The following FBXO9 variants were observed in gnomAD, a reference collection of about 807,000 sequenced individuals.
FBXO9 encodes F-box protein 9.
A neutral mutation model predicts 63.7 loss-of-function variants in FBXO9; 43 were observed. The observed-to-expected ratio is 0.67, with a 90% CI of 0.53 to 0.87. FBXO9 has a LOEUF of 0.87. Ranked by LOEUF, FBXO9 falls within the 40% of genes least tolerant of loss-of-function variation. The pLI, the probability that FBXO9 is intolerant of heterozygous loss-of-function variation, is 0.00. For missense variants in FBXO9, 442 were observed against 533.2 expected (o/e 0.83, Z 1.68); for synonymous variants, 156 against 171.7 (o/e 0.91, Z 0.72).
rs1763083664 is a variant in FBXO9 at position 53,092,860 on chromosome 6, T to A, written c.863+36T>A. ...AGTACACTGAGTGAGTGGAAAATTC[T>A]CTCTCTCCATGTATTAGTTAAATGG... is the stretch of plus-strand genomic sequence containing the variant. On this transcript the variant is annotated intron_variant, in intron 9 of 12. Transcript: ENST00000323557. The A allele has an allele frequency of 2.2e-6, 3 of 1,393,820 alleles. No homozygotes were observed. In the East Asian group the frequency reaches 6.9e-5, roughly 32 times the overall value. 86.3% of individuals were successfully genotyped at this position (1,393,820 alleles called of 1,614,324 possible). A position where few individuals can be genotyped will look rare whatever the true frequency, so the allele number is the denominator to read the frequency against.
rs749514315 is a variant in FBXO9, at chr6:53,100,729, T to G, written c.*2899T>G. 7.9e-5 allele frequency: 12 copies of G among 152,210 alleles called. No homozygotes were observed. The highest frequency in any genetic ancestry group is 1.6e-4 in the Non-Finnish European group (11 of 68,028). The allele number at this position is 152,210 out of a possible 1,614,324, so 9.4% of individuals were successfully genotyped here. On this transcript the variant is annotated 3_prime_UTR_variant, in exon 13 of 13. Transcript: ENST00000323557. ...TACAGAATGCTTTGTAAGCTTTCTC[T>G]CCCCACATAAGAATGCCCTGTAAGC...
rs112024282 is a variant in FBXO9, at chr6:53,093,805, CTG to C, written c.960-78_960-77del. 2.1e-5 allele frequency: 24 copies of C among 1,124,616 alleles called. 1 individual carries two copies. The highest frequency in any genetic ancestry group is 1.6e-4 in the African/African-American group (10 of 63,402). 69.7% of individuals were successfully genotyped at this position (1,124,616 alleles called of 1,614,324 possible). On this transcript the variant is annotated intron_variant, in intron 10 of 12. Coordinates refer to ENST00000323557, the MANE Select transcript of FBXO9 (RefSeq NM_033480.3). ...GATTCTTTTCAAGCAAGAGTAAACA[CTG>C]TTGTAATTTGTTACTTCTTAGATTA...
chr6:53,092,912 GA>G, intron 9 of FBXO9, 88 bp downstream of exon 9: 1 of 846,410 alleles, frequency 1.2e-6, no homozygotes, highest in Non-Finnish European at 1.8e-6. Flanking sequence ...GCTTTTGATT[GA>G]CCCGCAAAAT....
intron 1 of FBXO9, chr6:53,066,228 A>T: frequency 1.1e-6 from 1 of 875,852 alleles, no homozygotes; most frequent in Non-Finnish European, 1.4e-6. Context: ...TCTGCGGAAA[A>T]GCCAGGCCCA....
chr6:53,091,414 G>A (rs2127498271), intron 7 of FBXO9: 1 of 152,084 alleles, frequency 6.6e-6, no homozygotes, highest in South Asian at 2.1e-4. Context: ...TGTCCCCTAG[G>A]CTGGAGTGCA....
chr6:53,085,214 A>T (rs1303033018), intron 7 of FBXO9, among the ~76,000 whole-genome samples: 3 of 152,134 alleles, frequency 2.0e-5, no homozygotes, highest in African/African-American at 4.8e-5. Flanking sequence ...ATTTTATGTA[A>T]TTTTTTATTA....
intron 7 of FBXO9, among the ~76,000 whole-genome samples, chr6:53,086,060 A>G (rs753167598): frequency 2.0e-4 from 30 of 152,204 alleles, no homozygotes; most frequent in Non-Finnish European, 2.2e-4. Flanking sequence ...GAGGCAGGAG[A>G]ATCGCTTGAA....
intron 1 of FBXO9, among the ~76,000 whole-genome samples, chr6:53,068,187 T>A (rs1768775693): frequency 6.6e-6 from 1 of 152,210 alleles, no homozygotes; most frequent in South Asian, 2.1e-4. Flanking sequence ...GTTTTATTAT[T>A]ATCTAGCTTA....
chr6:53,066,255 G>A, intron 1 of FBXO9: 1 of 515,298 alleles, frequency 1.9e-6, no homozygotes, highest in Non-Finnish European at 2.5e-6. Flanking sequence ...GTCCCTGCCG[G>A]CACCTTGAGG....
At chr6:53,082,306 GA>G (rs1769341595) in intron 6 of FBXO9, among the ~76,000 whole-genome samples, 197 bp from the exon 7 acceptor site, 2 of 152,200 alleles carry the variant, frequency 1.3e-5, no homozygotes, top group South Asian at 4.1e-4. Flanking sequence ...GATCTATACT[GA>G]AAAAACAAAG....
In FBXO9 at chr6:53,099,458, TGGCCA is replaced by T. The variant is rs942036020; in HGVS notation, c.*1631_*1635del. 1 of 151,446 alleles carries T rather than the reference TGGCCA, an allele frequency of 6.6e-6. No individual in the cohort carries two copies. Among genetic ancestry groups the T allele is most frequent in the African/African-American group, 2.4e-5 (1 of 41,146 alleles). The allele number at this position is 151,446 out of a possible 1,614,324, so 9.4% of individuals were successfully genotyped here. ...AATGTGCATACAGAAGGAAGAGAGT[TGGCCA>T]GGTGTGGTGACTCACACCTATAATC... On this transcript the variant is annotated 3_prime_UTR_variant, in exon 13 of 13. Transcript: ENST00000323557.
chr6:53,088,668 G>A (rs958694845), intron 7 of FBXO9, among the ~76,000 whole-genome samples: 10 of 150,540 alleles, frequency 6.6e-5, no homozygotes, highest in Admixed American at 4.6e-4. Context: ...GCACGATCTT[G>A]GCTAATTGCA....
At chr6:53,091,970 C>T (rs1050997423) in intron 7 of FBXO9, 8 of 158,528 alleles carry the variant, frequency 5.0e-5, no homozygotes, top group South Asian at 1.9e-4. Context: ...TCACCTGCCC[C>T]GACTGCCTCA....
At chr6:53,091,638 A>G (rs1390933291) in intron 7 of FBXO9, 1 of 152,390 alleles carries the variant, frequency 6.6e-6, no homozygotes, top group East Asian at 1.9e-4. Flanking sequence ...AAGTGCTGGG[A>G]TTACAGGCGT....
At chr6:53,091,057 T>C (rs1763026018) in intron 7 of FBXO9, 1 of 152,156 alleles carries the variant, frequency 6.6e-6, no homozygotes, top group Admixed American at 6.5e-5. Context: ...TCTAGTGCAC[T>C]ATGCTGACTG....
In FBXO9 at chr6:53,095,649, G is replaced by A; in HGVS notation, c.1190G>A (p.Cys397Tyr). ...FNKLIWIHHS[C>Y]HITYKSTGET... The stretch of plus-strand genomic sequence containing the variant: ...AAACTCATCTGGATACATCATTCTT[G>A]TCACATTACTTACAAGTAGGTGAAT... The change falls in exon 12 of 13, where the codon TGT becomes TAT. Residue 397 changes from cysteine to tyrosine, a missense_variant. This residue lies in a region of FBXO9 where 262 missense variants were observed against 362.1 expected (regional missense o/e 0.72). Coordinates refer to ENST00000323557, the MANE Select transcript of FBXO9 (RefSeq NM_033480.3). 1 of 1,609,864 alleles carries A rather than the reference G, an allele frequency of 6.2e-7. No individual in the cohort carries two copies. The highest frequency in any genetic ancestry group is 8.5e-7 in the Non-Finnish European group (1 of 1,178,290).
intron 3 of FBXO9, 116 bp from the exon 4 acceptor site, chr6:53,076,370 A>G (rs1326903443): frequency 3.1e-6 from 2 of 655,568 alleles, no homozygotes; most frequent in Non-Finnish European, 5.2e-6. Flanking sequence ...AAGGTTCATT[A>G]ATTTGCCTAT....
intron 2 of FBXO9, among the ~76,000 whole-genome samples, chr6:53,073,134 A>G (rs561057891): frequency 2.0e-5 from 3 of 152,316 alleles, no homozygotes; most frequent in South Asian, 2.1e-4. Context: ...CTTAATGTCT[A>G]CTAGATGATA....
rs146521845 is a variant in FBXO9 at position 53,070,713 on chromosome 6, G to C, written c.4-344G>C. Reference sequence around the variant, plus strand: ...AAACCCAGGGATTTTGGTGTCCTGGGGGCTCCTGGAACTAATCACCTGTGG... The same window carrying C: ...AAACCCAGGGATTTTGGTGTCCTGGCGGCTCCTGGAACTAATCACCTGTGG... On this transcript the variant is annotated intron_variant, in intron 1 of 12. Transcript: ENST00000323557. The C allele has an allele frequency of 2.1e-3, 518 of 244,190 alleles. 3 individuals carry two copies. Among genetic ancestry groups the C allele is most frequent in the African/African-American group, 6.9e-3 (316 of 45,694 alleles). 15.1% of individuals were successfully genotyped at this position (244,190 alleles called of 1,614,324 possible).
Sources: gnomAD v4.1 joint callset for allele counts (sites outside exome capture counted in the v4.1 genomes callset) on GRCh38, gnomAD v4.1.1 for gene constraint, gnomAD v4.1.1 regional missense constraint, MANE v1.5 for transcripts, NCBI Gene and HGNC (gene_info 2026-07-23, HGNC 2026-07-21) for gene names.